AMN1: variants seen among roughly 807,000 people sequenced by gnomAD.
AMN1 encodes antagonist of mitotic exit network 1 homolog, also known as protein AMN1 homolog.
AMN1 carries 20 observed loss-of-function variants against 33.0 expected under a neutral mutation model. That is an observed-to-expected ratio of 0.61 (90% CI 0.43 to 0.88). The LOEUF (loss-of-function observed/expected upper bound fraction) is 0.88. AMN1 is among the 40% of genes least tolerant of loss of function. The pLI, the probability that AMN1 is intolerant of heterozygous loss-of-function variation, is 0.00. For missense variants in AMN1, 246 were observed against 307.4 expected (o/e 0.80, Z 1.49); for synonymous variants, 114 against 111.9 (o/e 1.02, Z -0.12).
chr12:31,711,448 T>C (rs960987546), intron 1 of AMN1, among the ~76,000 whole-genome samples: 3 of 152,196 alleles, frequency 2.0e-5, no homozygotes, highest in South Asian at 4.1e-4. Context: ...CAGGTGAAAA[T>C]GATGTCTCAC....
At chr12:31,690,030 T>C (rs1311512611) in intron 5 of AMN1, among the ~76,000 whole-genome samples, 2 of 152,228 alleles carry the variant, frequency 1.3e-5, no homozygotes, top group Non-Finnish European at 2.9e-5. Context: ...CATTCCTGAG[T>C]TACTTCACTT....
At chr12:31,675,494 T>G (rs1290931697) in intron 6 of AMN1, among the ~76,000 whole-genome samples, 2 of 150,870 alleles carry the variant, frequency 1.3e-5, no homozygotes, top group Non-Finnish European at 2.9e-5. Context: ...GACAAGGATA[T>G]CCACACTTTT....
chr12:31,678,412 G>C (rs927032825), intron 6 of AMN1, among the ~76,000 whole-genome samples: 1 of 142,490 alleles, frequency 7.0e-6, no homozygotes, highest in African/African-American at 2.6e-5. Context: ...TTTTTTTTAT[G>C]TTGAGACAGA....
intron 5 of AMN1, among the ~76,000 whole-genome samples, chr12:31,691,359 A>G (rs1410882130): frequency 6.6e-6 from 1 of 152,072 alleles, no homozygotes; most frequent in Non-Finnish European, 1.5e-5. Flanking sequence ...GTGGTTGCCT[A>G]AGAGAGGGTC....
At chr12:31,688,360 A>G (rs1366599309) in intron 6 of AMN1, among the ~76,000 whole-genome samples, 1 of 152,236 alleles carries the variant, frequency 6.6e-6, no homozygotes, top group Non-Finnish European at 1.5e-5. Flanking sequence ...TACATAAAGC[A>G]TCATGTTCAA....
chr12:31,725,881 T>TAGAG (rs763763495), intron 1 of AMN1, among the ~76,000 whole-genome samples: 13 of 152,044 alleles, frequency 8.6e-5, no homozygotes, highest in South Asian at 2.1e-4. Context: ...GTATTTTTGG[T>TAGAG]AGAGACAGGG....
chr12:31,700,851 G>A (rs1346337550), intron 3 of AMN1, among the ~76,000 whole-genome samples: 3 of 151,064 alleles, frequency 2.0e-5, no homozygotes, highest in East Asian at 1.9e-4. Flanking sequence ...CACCATGCCC[G>A]GCTAATTTTT....
At chr12:31,694,134 A>G (rs1938617673) in intron 5 of AMN1, among the ~76,000 whole-genome samples, 2 of 142,696 alleles carry the variant, frequency 1.4e-5, no homozygotes, top group African/African-American at 5.1e-5. Flanking sequence ...CTATGAGAGT[A>G]GTTAGTAAAA....
intron 2 of AMN1, chr12:31,708,945 A>T (rs1303117924): frequency 1.5e-5 from 6 of 388,222 alleles, no homozygotes; most frequent in Non-Finnish European, 3.1e-5. Flanking sequence ...TGAGAGGCTG[A>T]GGCGGATGGA....
chr12:31,692,223 A>T (rs1480394150), intron 5 of AMN1, among the ~76,000 whole-genome samples: 2 of 151,720 alleles, frequency 1.3e-5, no homozygotes, highest in Non-Finnish European at 2.9e-5. Flanking sequence ...TTGGGAGGCC[A>T]AGGCGGGCAG....
intron 5 of AMN1, among the ~76,000 whole-genome samples, chr12:31,690,084 T>C (rs1388895247): frequency 6.6e-6 from 1 of 151,850 alleles, no homozygotes; most frequent in Non-Finnish European, 1.5e-5. Context: ...GTGAATGCCA[T>C]TAATTCATTC....
Position 31,701,803 on chromosome 12 carries a change from C to T in AMN1, c.316+60G>A. On this transcript the variant is annotated intron_variant, in intron 3 of 6. Coordinates refer to ENST00000281471, the MANE Select transcript of AMN1 (RefSeq NM_001113402.2). ...TTTTGACGTATTTTCTCCCTTACTC[C>T]ACAATTTTACCAGATAGTGAATAGT... 5 of 1,438,934 alleles carry T rather than the reference C, an allele frequency of 3.5e-6. No individual in the cohort carries two copies. The South Asian group carries it at 5.7e-5, about 16-fold the overall frequency. The allele number at this position is 1,438,934 out of a possible 1,614,324, so 89.1% of individuals were successfully genotyped here.
rs567048540 is a variant in AMN1 at position 31,717,194 on chromosome 12, G to A, written c.39-7769C>T. On this transcript the variant is annotated intron_variant, in intron 1 of 6. Transcript: ENST00000281471. Reference sequence around the variant, plus strand: ...TCATTCAGCTCCACTTATGACATGCGGTGTTTGGTTTTCTGTTCCTGTGTT... The same window carrying A: ...TCATTCAGCTCCACTTATGACATGCAGTGTTTGGTTTTCTGTTCCTGTGTT... Among the ~76,000 whole-genome samples the A allele has an allele frequency of 4.6e-5, 7 of 152,130 alleles. No individual in the cohort carries two copies. In the East Asian group the frequency reaches 7.7e-4, roughly 17 times the overall value.
chr12:31,702,824 G>A (rs975831541), intron 2 of AMN1, among the ~76,000 whole-genome samples: 1 of 152,032 alleles, frequency 6.6e-6, no homozygotes, highest in South Asian at 2.1e-4. Context: ...TGCAACCTCC[G>A]CCTCCCGGGT....
intron 6 of AMN1, 164 bp from the exon 7 acceptor site, chr12:31,672,541 ATGG>A (rs1951301801): frequency 1.8e-6 from 1 of 569,336 alleles, no homozygotes; most frequent in Non-Finnish European, 3.1e-6. Context: ...TAATTAATTA[ATGG>A]TAGCCCTCAC....
chr12:31,710,046 T>A (rs901503871), intron 1 of AMN1, among the ~76,000 whole-genome samples: 1 of 152,220 alleles, frequency 6.6e-6, no homozygotes, highest in Non-Finnish European at 1.5e-5. Flanking sequence ...ATAAGCTTTA[T>A]ATTGGGACCC....
chr12:31,672,186 G>T lies in AMN1; in HGVS notation c.*118C>A. On this transcript the variant is annotated 3_prime_UTR_variant, in exon 7 of 7. Transcript: ENST00000281471. ...TAATTCTCTGAGAGTTATAACTTAA[G>T]ACAATAAAATAATTAAAAATAGTGT... 1.4e-6 allele frequency: 1 copy of T among 708,998 alleles called. No homozygotes were observed. Among genetic ancestry groups the T allele is most frequent in the Non-Finnish European group, 2.4e-6 (1 of 413,802 alleles). The allele number at this position is 708,998 out of a possible 1,614,324, so 43.9% of individuals were successfully genotyped here. A position where few individuals can be genotyped will look rare whatever the true frequency, so the allele number is the denominator to read the frequency against.
intron 4 of AMN1, 116 bp from the exon 5 acceptor site, chr12:31,697,533 G>T: frequency 8.7e-7 from 1 of 1,145,348 alleles, no homozygotes; most frequent in Non-Finnish European, 1.3e-6. Flanking sequence ...TCAAACATGT[G>T]TTTTAGCCAT....
intron 6 of AMN1, among the ~76,000 whole-genome samples, chr12:31,685,321 G>T (rs1447638831): frequency 1.3e-5 from 2 of 152,006 alleles, no homozygotes; most frequent in Non-Finnish European, 2.9e-5. Context: ...GAGCCACTTC[G>T]CCTGGCCTAT....
Sources: allele counts gnomAD v4.1 joint callset (sites outside exome capture counted in the v4.1 genomes callset), GRCh38; gene constraint gnomAD v4.1.1; transcripts MANE v1.5; gene names NCBI Gene and HGNC (gene_info 2026-07-23, HGNC 2026-07-21).